Variants in TMEM131L observed in about 807,000 individuals in gnomAD.
TMEM131L encodes transmembrane 131 like, also known as transmembrane protein 131-like.
TMEM131L carries 54 observed loss-of-function variants against 192.2 expected under a neutral mutation model. The ratio of observed to expected loss-of-function variants is 0.28; its 90% confidence interval spans 0.23 to 0.35. TMEM131L has a LOEUF of 0.35. TMEM131L is among the 10% of genes least tolerant of loss of function. The pLI, the probability that TMEM131L is intolerant of heterozygous loss-of-function variation, is 1.00. For synonymous variants in TMEM131L, 701 were observed against 704.9 expected (o/e 0.99, Z 0.09); for missense variants, 1,888 against 1,972.9 (o/e 0.96, Z 0.82).
intron 10 of TMEM131L, 103 bp from the exon 11 acceptor site, chr4:153,583,461 C>A: frequency 1.2e-6 from 1 of 840,074 alleles, no homozygotes; most frequent in Non-Finnish European, 2.0e-6. Context: ...TGAGCAGTTG[C>A]TATGTATGGC....
chr4:153,516,180 C>T (rs1212575307), intron 3 of TMEM131L, among the ~76,000 whole-genome samples: 2 of 152,136 alleles, frequency 1.3e-5, no homozygotes, highest in Non-Finnish European at 1.5e-5. Context: ...CTTCCCATGT[C>T]TATATCTAAG....
At chr4:153,600,382 A>C (rs1390944418) in intron 21 of TMEM131L, among the ~76,000 whole-genome samples, 1 of 149,098 alleles carries the variant, frequency 6.7e-6, no homozygotes, top group South Asian at 2.1e-4. Flanking sequence ...AAAAAAAAAA[A>C]ACATCAAAAA....
At chr4:153,526,901 A>C (rs929081190) in intron 3 of TMEM131L, among the ~76,000 whole-genome samples, 1 of 152,130 alleles carries the variant, frequency 6.6e-6, no homozygotes, top group Non-Finnish European at 1.5e-5. Context: ...CATCATGTCT[A>C]TTCTGTTGAG....
At chr4:153,616,495 A>T (rs931170137) in intron 26 of TMEM131L, among the ~76,000 whole-genome samples, 1 of 152,196 alleles carries the variant, frequency 6.6e-6, no homozygotes, top group Admixed American at 6.5e-5. Flanking sequence ...CACGTGGAAC[A>T]TTCCTCTGGA....
At chr4:153,511,496 GAGAGT>G (rs1228581111) in intron 3 of TMEM131L, among the ~76,000 whole-genome samples, 2 of 152,142 alleles carry the variant, frequency 1.3e-5, no homozygotes, top group African/African-American at 4.8e-5. Flanking sequence ...TGCGAGGAGG[GAGAGT>G]ATCAGGAAAA....
intron 18 of TMEM131L, among the ~76,000 whole-genome samples, chr4:153,593,226 C>T (rs545088390): frequency 6.6e-6 from 1 of 152,052 alleles, no homozygotes; most frequent in African/African-American, 2.4e-5. Context: ...TCCAGCTTCT[C>T]GTTTAGTAAG....
Position 153,466,441 on chromosome 4 carries a change from C to T in TMEM131L, c.44C>T (p.Thr15Ile), listed in dbSNP as rs1382127593. Residue 15 changes from threonine to isoleucine, a missense_variant, in exon 1 of 35, where the codon ACC becomes ATC. Physicochemically the swap from Thr to Ile is moderately conservative, Grantham distance 89. Transcript: ENST00000409959. Reference protein sequence around the residue: ...RRPQPGCYCRTAAAVNLLLGV... With the variant: ...RRPQPGCYCRIAAAVNLLLGV... ...CCGCAGCCCGGCTGCTACTGCCGCACCGCGGCGGCCGTGAACCTCCTGCTG... is the reference window on the plus strand; with the variant it reads ...CCGCAGCCCGGCTGCTACTGCCGCATCGCGGCGGCCGTGAACCTCCTGCTG... The T allele has an allele frequency of 2.8e-6, 4 of 1,412,578 alleles. No homozygotes were observed. Among genetic ancestry groups the T allele is most frequent in the African/African-American group, 1.5e-5 (1 of 67,860 alleles). The allele number at this position is 1,412,578 out of a possible 1,614,324, so 87.5% of individuals were successfully genotyped here.
chr4:153,485,112 C>CT lies in TMEM131L; in HGVS notation c.239+11225dup, dbSNP rs375704658. The stretch of plus-strand genomic sequence containing the variant: ...CTGACCTGGGCGAAAGAGCGAGACT[C>CT]TGTCTCATTAAAAAAAAAAAAAAAA... On this transcript the variant is annotated intron_variant, in intron 3 of 34. Coordinates refer to ENST00000409959, the MANE Select transcript of TMEM131L (RefSeq NM_001131007.2). 1.0e-3 allele frequency among the ~76,000 whole-genome samples: 132 copies of CT among 129,736 alleles called. 1 individual carries two copies. The highest frequency in any genetic ancestry group is 3.8e-3 in the African/African-American group (128 of 33,306). 85.1% of individuals were successfully genotyped at this position (129,736 alleles called of 152,430 possible). A position where few individuals can be genotyped will look rare whatever the true frequency, so the allele number is the denominator to read the frequency against.
chr4:153,514,747 C>G (rs1488746441), intron 3 of TMEM131L, among the ~76,000 whole-genome samples: 1 of 151,946 alleles, frequency 6.6e-6, no homozygotes, highest in Non-Finnish European at 1.5e-5. Context: ...TAAAAAATAA[C>G]AGCTTTATTG....
chr4:153,610,527 A>G (rs1185671947), intron 25 of TMEM131L, among the ~76,000 whole-genome samples: 1 of 152,206 alleles, frequency 6.6e-6, no homozygotes, highest in Non-Finnish European at 1.5e-5. Context: ...TCCTGGTTGT[A>G]CTTAAACCGT....
intron 3 of TMEM131L, among the ~76,000 whole-genome samples, chr4:153,549,020 A>G (rs997822901): frequency 6.6e-6 from 1 of 152,178 alleles, no homozygotes; most frequent in African/African-American, 2.4e-5. Context: ...TCTGGAGTGC[A>G]GTGATGCTAT....
intron 3 of TMEM131L, among the ~76,000 whole-genome samples, chr4:153,499,626 C>A (rs1002459416): frequency 1.3e-5 from 2 of 152,128 alleles, no homozygotes; most frequent in Admixed American, 1.3e-4. Flanking sequence ...GGGATTTCAC[C>A]ATGTTGGCCA....
At chr4:153,514,045 G>A (rs1734540364) in intron 3 of TMEM131L, among the ~76,000 whole-genome samples, 1 of 152,042 alleles carries the variant, frequency 6.6e-6, no homozygotes, top group Admixed American at 6.5e-5. Flanking sequence ...CCTTTGAGTA[G>A]CTTTCTTTTG....
intron 3 of TMEM131L, among the ~76,000 whole-genome samples, chr4:153,499,104 C>T (rs1437458318): frequency 6.6e-6 from 1 of 152,238 alleles, no homozygotes; most frequent in Non-Finnish European, 1.5e-5. Context: ...TCATCCTAGG[C>T]ACAACTCATG....
At chr4:153,535,775 GTGTC>G (rs1736271768) in intron 3 of TMEM131L, among the ~76,000 whole-genome samples, 1 of 152,164 alleles carries the variant, frequency 6.6e-6, no homozygotes, top group East Asian at 1.9e-4. Flanking sequence ...CAAAAGGAAA[GTGTC>G]TGATATTCTA....
chr4:153,603,709 T>C, intron 24 of TMEM131L, 93 bp from the exon 25 acceptor site: 1 of 1,369,062 alleles, frequency 7.3e-7, no homozygotes, highest in East Asian at 2.3e-5. Context: ...CACTCAGTAC[T>C]GATTGCTACC....
chr4:153,478,883 A>G (rs763837115), intron 3 of TMEM131L, among the ~76,000 whole-genome samples: 3 of 148,920 alleles, frequency 2.0e-5, no homozygotes, highest in Non-Finnish European at 4.4e-5. Flanking sequence ...AATGAAGGTC[A>G]GGTGGACTTA....
intron 9 of TMEM131L, 122 bp from the exon 10 acceptor site, chr4:153,583,068 C>A: frequency 4.9e-6 from 3 of 618,304 alleles, no homozygotes; most frequent in South Asian, 2.0e-5. Context: ...AACAAGTTAA[C>A]ATTTTTTATA....
intron 28 of TMEM131L, among the ~76,000 whole-genome samples, chr4:153,622,452 A>G (rs965300184): frequency 6.6e-6 from 1 of 152,052 alleles, no homozygotes; most frequent in Non-Finnish European, 1.5e-5. Context: ...TCTCTTTTTC[A>G]TTCCCTTGAC....
Sources: allele counts gnomAD v4.1 joint callset (sites outside exome capture counted in the v4.1 genomes callset), GRCh38; gene constraint gnomAD v4.1.1; transcripts MANE v1.5; gene names NCBI Gene and HGNC (gene_info 2026-07-23, HGNC 2026-07-21).